The following ZNF765 variants were observed in gnomAD, a reference collection of about 807,000 sequenced individuals.
ZNF765 encodes the protein zinc finger protein 765.
ZNF765 carries 37 observed loss-of-function variants against 44.7 expected under a neutral mutation model. That is an observed-to-expected ratio of 0.83 (90% CI 0.64 to 1.09). The LOEUF (loss-of-function observed/expected upper bound fraction) is 1.09. Among genes scored for constraint, ZNF765 ranks in the 50% least tolerant of loss-of-function variants. The probability of loss-of-function intolerance (pLI) is 0.00; values close to 1 mark genes in which losing one functional copy is unlikely to be tolerated. For missense variants in ZNF765, 594 were observed against 626.1 expected (o/e 0.95, Z 0.55); for synonymous variants, 201 against 213.7 (o/e 0.94, Z 0.52).
intron 1 of ZNF765, among the ~76,000 whole-genome samples, chr19:53,395,645 C>T (rs1006039147): frequency 9.2e-5 from 14 of 152,216 alleles, no homozygotes; most frequent in African/African-American, 3.4e-4. Context: ...CGCCGTGGCG[C>T]CGCCGCCTCC....
Position 53,405,290 on chromosome 19 carries a change from T to G in ZNF765, c.143-2408T>G, listed in dbSNP as rs148509713. On this transcript the variant is annotated intron_variant, in intron 3 of 3. Transcript: ENST00000396408. Reference sequence around the variant, plus strand: ...TCACTAGAACCTGGGAGGTGGAGGTTGCAGTGAGCCAAGATTGCCCCACTA... The same window carrying G: ...TCACTAGAACCTGGGAGGTGGAGGTGGCAGTGAGCCAAGATTGCCCCACTA... Among the ~76,000 whole-genome samples the G allele has an allele frequency of 4.3e-3, 655 of 152,208 alleles. 4 individuals are homozygous for G. Among genetic ancestry groups the G allele is most frequent in the Non-Finnish European group, 6.5e-3 (440 of 68,010 alleles).
chr19:53,407,887 C>T lies in ZNF765; in HGVS notation c.332C>T (p.Ala111Val). The T allele has an allele frequency of 6.2e-7, 1 of 1,613,696 alleles. No individual in the cohort carries two copies. Among genetic ancestry groups the T allele is most frequent in the South Asian group, 1.1e-5 (1 of 90,976 alleles). ...GAAGATGAAAGAAATGGCCATGAAG[C>T]ACTCATGACAAAAATCAAAAAGTTG... ...WQEDERNGHE[A>V]LMTKIKKLTG... is the part of the protein sequence containing the mutation. Residue 111 changes from alanine (A) to valine (V), a missense_variant, in exon 4 of 4, where the codon GCA (alanine) becomes GTA (valine). By Grantham distance (64) the Ala-to-Val change is moderately conservative. Coordinates refer to ENST00000396408, the MANE Select transcript of ZNF765 (RefSeq NM_001040185.3).
rs368731307 is a variant in ZNF765, at chr19:53,408,302, C to T, written c.747C>T (p.Gly249=). 148 of 1,614,082 alleles carry T rather than the reference C, an allele frequency of 9.2e-5. 1 individual carries two copies. In the African/African-American group the frequency reaches 1.3e-3, roughly 15 times the overall value. ...AACAATATAAATGCGATATATGTGGCAAGGTCTTTAATTCGAAGCGATACG... is the reference window on the plus strand; with the variant it reads ...AACAATATAAATGCGATATATGTGGTAAGGTCTTTAATTCGAAGCGATACG... The part of the protein sequence containing the change: ...GEKQYKCDIC[G]KVFNSKRYVA... The change falls in exon 4 of 4, where the codon GGC becomes GGT. Residue 249 remains glycine (G), a synonymous_variant. Transcript: ENST00000396408.
intron 2 of ZNF765, among the ~76,000 whole-genome samples, chr19:53,401,063 C>A (rs1298683329): frequency 6.6e-6 from 1 of 151,178 alleles, no homozygotes; most frequent in South Asian, 2.1e-4. Flanking sequence ...TGCAGTGGTG[C>A]GATTTCGGAT....
intron 3 of ZNF765, among the ~76,000 whole-genome samples, chr19:53,417,682 A>G (rs779852228): frequency 6.6e-6 from 1 of 152,102 alleles, no homozygotes; most frequent in Non-Finnish European, 1.5e-5. Flanking sequence ...ATCTCTCTTT[A>G]GGTCTATTTT....
intron 3 of ZNF765, among the ~76,000 whole-genome samples, chr19:53,421,137 C>G (rs147197348): frequency 6.6e-6 from 1 of 152,212 alleles, no homozygotes; most frequent in African/African-American, 2.4e-5. Context: ...CAATACTGCT[C>G]TTTACTGCAC....
chr19:53,422,122 A>G (rs187457704), intron 3 of ZNF765, among the ~76,000 whole-genome samples: 15 of 152,322 alleles, frequency 9.8e-5, no homozygotes, highest in East Asian at 1.9e-4. Flanking sequence ...TTACATGTCA[A>G]TGGAAACCGG....
downstream of ZNF765, among the ~76,000 whole-genome samples, chr19:53,414,605 T>C (rs2085863787): frequency 6.6e-6 from 1 of 150,708 alleles, no homozygotes; most frequent in Admixed American, 6.7e-5. Flanking sequence ...AATCCCATTC[T>C]TTTCTGGCCT....
chr19:53,413,619 T>A (rs2085849985), downstream of ZNF765, among the ~76,000 whole-genome samples: 3 of 122,612 alleles, frequency 2.4e-5, no homozygotes, highest in African/African-American at 8.9e-5. Flanking sequence ...TTTTTTTTTT[T>A]AACTCCACTG....
At chr19:53,414,474 CACACACACACA>C (rs2085860121), downstream of ZNF765, among the ~76,000 whole-genome samples, 1 of 17,024 alleles carries the variant, frequency 5.9e-5, no homozygotes, top group Non-Finnish European at 1.9e-4. Context: ...CACACACACA[CACACACACACA>C]CACACCCCCC....
downstream of ZNF765, chr19:53,413,300 CA>C (rs1206429093): frequency 8.0e-5 from 47 of 586,512 alleles, no homozygotes; most frequent in Non-Finnish European, 1.3e-4. Context: ...AAATCAGGTA[CA>C]ACTTTAAAAG....
intron 3 of ZNF765, among the ~76,000 whole-genome samples, chr19:53,403,263 T>C (rs1264772078): frequency 6.6e-6 from 1 of 152,248 alleles, no homozygotes; most frequent in African/African-American, 2.4e-5. Context: ...CAGCCAGTCT[T>C]TGCCTTCTGA....
chr19:53,395,959 G>A (rs189716407), intron 1 of ZNF765, among the ~76,000 whole-genome samples: 220 of 151,534 alleles, frequency 1.5e-3, no homozygotes, highest in African/African-American at 4.9e-3. Flanking sequence ...GCAAAGTAGA[G>A]GATGGGTGAG....
intron 3 of ZNF765, among the ~76,000 whole-genome samples, chr19:53,421,259 C>T (rs2085905463): frequency 1.3e-5 from 2 of 152,166 alleles, no homozygotes; most frequent in East Asian, 1.9e-4. Context: ...CCACTATTAC[C>T]CTATTGTCCC....
chr19:53,404,481 C>T (rs1373098054), intron 3 of ZNF765, among the ~76,000 whole-genome samples: 1 of 151,872 alleles, frequency 6.6e-6, no homozygotes, highest in Non-Finnish European at 1.5e-5. Flanking sequence ...AAGACGGAGT[C>T]TCGGTCTGTC....
chr19:53,420,029 T>A (rs927321194), intron 3 of ZNF765, among the ~76,000 whole-genome samples: 1 of 131,414 alleles, frequency 7.6e-6, no homozygotes, highest in African/African-American at 2.9e-5. Flanking sequence ...TCAAAAATAA[T>A]AATAAAATAA....
chr19:53,398,068 C>T, intron 2 of ZNF765, 38 bp downstream of exon 2: 1 of 1,613,834 alleles, frequency 6.2e-7, no homozygotes, highest in Non-Finnish European at 8.5e-7. Context: ...CTGTCTCCTT[C>T]TTTTCAGAAA....
intron 3 of ZNF765, 97 bp downstream of exon 3, chr19:53,402,288 G>A (rs1421933341): frequency 6.7e-6 from 10 of 1,491,246 alleles, no homozygotes; most frequent in East Asian, 2.4e-5. Flanking sequence ...ATGGAGTCTC[G>A]CTCTGTCGCC....
At position 53,408,811 on chromosome 19, in the gene ZNF765, C is replaced by CCTT; in HGVS notation, c.1258_1260dup (p.Phe420dup). The CCTT allele has an allele frequency of 1.9e-6, 3 of 1,614,098 alleles. No homozygotes were observed. Among genetic ancestry groups the CCTT allele is most frequent in the Non-Finnish European group, 2.5e-6 (3 of 1,180,020 alleles). On this transcript the variant is annotated inframe_insertion, in exon 4 of 4. Coordinates refer to ENST00000396408, the MANE Select transcript of ZNF765 (RefSeq NM_001040185.3). ...TACAAGTGTAATGAGTGTGGCAAGACCTTCAATCAGCAGTTAACCCTTAAC... is the reference window on the plus strand; with the variant it reads ...TACAAGTGTAATGAGTGTGGCAAGACCTTCTTCAATCAGCAGTTAACCCTTAAC...
Sources: gnomAD v4.1 joint callset for allele counts (sites outside exome capture counted in the v4.1 genomes callset) on GRCh38, gnomAD v4.1.1 for gene constraint, MANE v1.5 for transcripts, NCBI Gene and HGNC (gene_info 2026-07-23, HGNC 2026-07-21) for gene names.